P2RY12: variants seen among roughly 807,000 people sequenced by gnomAD.
The protein encoded by P2RY12 is purinergic receptor P2Y12, also known as P2Y purinoceptor 12.
P2RY12 carries 3 observed loss-of-function variants against 4.5 expected under a neutral mutation model. That is an observed-to-expected ratio of 0.67 (90% confidence interval 0.31 to 1.74). The LOEUF is 1.74. P2RY12 is among the 40% of genes most tolerant of loss of function. The pLI is 0.09. For synonymous variants in P2RY12, 148 were observed against 154.1 expected (o/e 0.96, Z 0.29); for missense variants, 356 against 407.8 (o/e 0.87, Z 1.09).
chr3:151,377,988 T>G, intron 1 of P2RY12: 1 of 1,575,692 alleles, frequency 6.3e-7, no homozygotes, highest in Non-Finnish European at 8.6e-7. Context: ...CTTTCTCCGG[T>G]GTAACACCTG....
chr3:151,352,143 G>A (rs1753313489), intron 1 of P2RY12, among the ~76,000 whole-genome samples: 1 of 152,144 alleles, frequency 6.6e-6, no homozygotes, highest in African/African-American at 2.4e-5. Context: ...TACCCTGAAG[G>A]TAATTTTATT....
At chr3:151,354,856 G>A (rs1487771692) in intron 1 of P2RY12, among the ~76,000 whole-genome samples, 1 of 152,168 alleles carries the variant, frequency 6.6e-6, no homozygotes, top group Non-Finnish European at 1.5e-5. Context: ...TAAAGTTCCA[G>A]TGTAGGCAAT....
intron 1 of P2RY12, chr3:151,376,743 A>T: frequency 7.3e-7 from 1 of 1,364,698 alleles, no homozygotes; most frequent in Non-Finnish European, 1.0e-6. Flanking sequence ...GTAAGAAATT[A>T]CTGTATTTTA....
chr3:151,376,741 T>C (rs577209248), intron 1 of P2RY12: 32 of 1,360,930 alleles, frequency 2.4e-5, no homozygotes, highest in Admixed American at 1.7e-4. Context: ...CTGTAAGAAA[T>C]TACTGTATTT....
intron 1 of P2RY12, chr3:151,355,294 ATTT>A (rs1753770453): frequency 8.0e-7 from 1 of 1,250,986 alleles, no homozygotes; most frequent in African/African-American, 1.5e-5. Context: ...TTACTTAAAA[ATTT>A]TTTTCATGCA....
intron 1 of P2RY12, chr3:151,350,218 T>C: frequency 6.2e-7 from 1 of 1,612,220 alleles, no homozygotes; most frequent in African/African-American, 1.3e-5. Context: ...TAAAGAACCT[T>C]AATGCATTTG....
At chr3:151,361,381 A>G (rs948684787) in intron 1 of P2RY12, among the ~76,000 whole-genome samples, 1 of 152,134 alleles carries the variant, frequency 6.6e-6, no homozygotes, top group African/African-American at 2.4e-5. Flanking sequence ...TACAGATTGT[A>G]TTAGATTCAG....
chr3:151,384,462 AT>A (rs1712961705), intron 1 of P2RY12, among the ~76,000 whole-genome samples: 2 of 152,344 alleles, frequency 1.3e-5, no homozygotes, highest in South Asian at 4.1e-4. Context: ...AACTTTAGAA[AT>A]CCACTGTTAA....
At chr3:151,350,237 G>A (rs780539753) in intron 1 of P2RY12, 3 of 1,605,506 alleles carry the variant, frequency 1.9e-6, no homozygotes, top group Admixed American at 3.4e-5. Context: ...TGCTCCCATT[G>A]TGTTGCCTTT....
chr3:151,382,940 C>G (rs1043299171), intron 1 of P2RY12, among the ~76,000 whole-genome samples: 1 of 152,164 alleles, frequency 6.6e-6, no homozygotes, highest in Non-Finnish European at 1.5e-5. Flanking sequence ...GGTCAGACAT[C>G]TAGACAGTGC....
At chr3:151,374,075 C>A (rs1756516473) in intron 1 of P2RY12, among the ~76,000 whole-genome samples, 2 of 152,152 alleles carry the variant, frequency 1.3e-5, no homozygotes. Flanking sequence ...TCCCCTAATT[C>A]ATATTAGTAT....
intron 1 of P2RY12, among the ~76,000 whole-genome samples, chr3:151,372,201 A>G (rs1756268300): frequency 1.3e-5 from 2 of 152,158 alleles, no homozygotes; most frequent in Admixed American, 1.3e-4. Context: ...TGAGTAACCC[A>G]TTTTTTCCTT....
At chr3:151,377,782 A>G (rs1206594008) in intron 1 of P2RY12, among the ~76,000 whole-genome samples, 1 of 152,222 alleles carries the variant, frequency 6.6e-6, no homozygotes, top group Non-Finnish European at 1.5e-5. Flanking sequence ...CAGTTTAGTT[A>G]CAATATCCTT....
chr3:151,362,412 G>A (rs1364522465), intron 1 of P2RY12, among the ~76,000 whole-genome samples: 1 of 151,850 alleles, frequency 6.6e-6, no homozygotes, highest in Non-Finnish European at 1.5e-5. Flanking sequence ...AACACTCTAA[G>A]AACAACCCAC....
In P2RY12 at chr3:151,356,149, T is replaced by A. The variant is rs1994730; in HGVS notation, c.-179-15389A>T. ...GCACAGTGGCTTGTGCTTGTAATCC[T>A]GGCACTTTGGGAGGCCGAGGTAGGA... On this transcript the variant is annotated intron_variant, in intron 1 of 2. Coordinates refer to ENST00000302632, the MANE Select transcript of P2RY12 (RefSeq NM_022788.5). 7.8e-6 allele frequency: 9 copies of A among 1,153,186 alleles called. No homozygotes were observed. The South Asian group carries it at 1.4e-4, about 18-fold the overall frequency. 71.4% of individuals were successfully genotyped at this position (1,153,186 alleles called of 1,614,324 possible). A position where few individuals can be genotyped will look rare whatever the true frequency, so the allele number is the denominator to read the frequency against.
chr3:151,384,176 A>G (rs747800049), intron 1 of P2RY12: 1 of 1,613,914 alleles, frequency 6.2e-7, no homozygotes, highest in Non-Finnish European at 8.5e-7. Flanking sequence ...GGGGATCTGA[A>G]GAGAACAAGC....
In P2RY12 at chr3:151,337,850, A is replaced by G. The variant is rs919065796; in HGVS notation, c.996T>C (p.Asp332=). ...GAGTCTCTTCATTTGGGTCACCACC[A>G]TCCTGTTCTTTTTTCCTATTGTCCT... ...LSQDNRKKEQ[D]GGDPNEETPM The change falls in exon 3 of 3, where the codon GAT becomes GAC. Residue 332 remains aspartate, a synonymous_variant. Transcript: ENST00000302632. 6.2e-7 allele frequency: 1 copy of G among 1,614,124 alleles called. No individual in the cohort carries two copies. Among genetic ancestry groups the G allele is most frequent in the Non-Finnish European group, 8.5e-7 (1 of 1,179,992 alleles).
intron 1 of P2RY12, among the ~76,000 whole-genome samples, chr3:151,365,688 C>G (rs898795778): frequency 7.9e-5 from 12 of 152,186 alleles, no homozygotes; most frequent in Non-Finnish European, 1.6e-4. Context: ...TTATCTTCTT[C>G]TCAAGGTTCT....
chr3:151,382,717 A>G, intron 1 of P2RY12: 2 of 1,612,834 alleles, frequency 1.2e-6, no homozygotes, highest in Non-Finnish European at 1.7e-6. Context: ...CAGATGATGC[A>G]CGAAGCATTG....
Sources: allele counts gnomAD v4.1 joint callset (sites outside exome capture counted in the v4.1 genomes callset), GRCh38; gene constraint gnomAD v4.1.1; transcripts MANE v1.5; gene names NCBI Gene and HGNC (gene_info 2026-07-23, HGNC 2026-07-21).